CAST: variants seen among roughly 807,000 people sequenced by gnomAD.
CAST encodes the protein MIR583 host.
Under a neutral mutation model 119.6 loss-of-function variants are expected in CAST, and 76 were observed. The ratio of observed to expected loss-of-function variants is 0.64; its 90% CI spans 0.53 to 0.77. CAST has a LOEUF of 0.77. CAST is among the 30% of genes least tolerant of loss of function. CAST has a pLI of 0.00. For missense variants in CAST, 953 were observed against 946.5 expected (o/e 1.01, Z -0.09); for synonymous variants, 319 against 331.6 (o/e 0.96, Z 0.41).
At chr5:96,042,327 G>A in the CAST span, among the ~76,000 whole-genome samples, 6 of 152,118 alleles carry the variant, frequency 3.9e-5, no homozygotes, top group South Asian at 6.2e-4. Context: ...TTTTTTCTTG[G>A]TCTCTTGCAA....
chr5:96,632,145 C>A (rs1747828283), intron 1 of CAST, among the ~76,000 whole-genome samples: 1 of 151,396 alleles, frequency 6.6e-6, no homozygotes, highest in South Asian at 2.1e-4. Context: ...AGTATATATT[C>A]TTTGGAGAAA....
the CAST span, among the ~76,000 whole-genome samples, chr5:95,970,710 A>G: frequency 6.6e-6 from 1 of 152,214 alleles, no homozygotes; most frequent in Non-Finnish European, 1.5e-5. Context: ...AATGTGTTTA[A>G]TAACCTGTGA....
chr5:96,444,753 A>T, the CAST span, among the ~76,000 whole-genome samples: 1 of 149,232 alleles, frequency 6.7e-6, no homozygotes, highest in African/African-American at 2.6e-5. Flanking sequence ...TGTTTTATTT[A>T]TTTTTTTATT....
At chr5:96,699,747 T>C (rs1753671984) in intron 3 of CAST, among the ~76,000 whole-genome samples, 1 of 152,162 alleles carries the variant, frequency 6.6e-6, no homozygotes, top group African/African-American at 2.4e-5. Flanking sequence ...TGGGAAGGCA[T>C]GGACTGATAA....
chr5:96,304,611 T>G, the CAST span, among the ~76,000 whole-genome samples: 1 of 152,238 alleles, frequency 6.6e-6, no homozygotes, highest in South Asian at 2.1e-4. Flanking sequence ...TAATCCATCT[T>G]GAGTTAATTT....
At chr5:96,019,170 A>G in the CAST span, among the ~76,000 whole-genome samples, 2 of 152,166 alleles carry the variant, frequency 1.3e-5, no homozygotes, top group Admixed American at 1.3e-4. Flanking sequence ...TGTCATTAAC[A>G]CTTCCCGGTG....
the CAST span, among the ~76,000 whole-genome samples, chr5:96,503,108 A>G: frequency 6.6e-6 from 1 of 152,222 alleles, no homozygotes; most frequent in South Asian, 2.1e-4. Context: ...CCTTGTCTTC[A>G]GAGTACTGTA....
chr5:96,072,734 A>G, the CAST span, among the ~76,000 whole-genome samples: 9 of 152,222 alleles, frequency 5.9e-5, no homozygotes, highest in Non-Finnish European at 1.3e-4. Flanking sequence ...GTCAATCTCA[A>G]AGGAAAGAGA....
chr5:96,140,434 TA>T, the CAST span, among the ~76,000 whole-genome samples: 1 of 152,234 alleles, frequency 6.6e-6, no homozygotes, highest in Non-Finnish European at 1.5e-5. Flanking sequence ...GAGAACAGAA[TA>T]GAATAATGCA....
chr5:96,618,497 C>G (rs1184719429), intron 1 of CAST, among the ~76,000 whole-genome samples: 1 of 152,246 alleles, frequency 6.6e-6, no homozygotes, highest in Non-Finnish European at 1.5e-5. Flanking sequence ...CCTCAGCTTG[C>G]AGGGAGGTGT....
At chr5:96,028,849 A>C in the CAST span, among the ~76,000 whole-genome samples, 2 of 152,106 alleles carry the variant, frequency 1.3e-5, no homozygotes, top group Non-Finnish European at 2.9e-5. Context: ...TTAAAAAAAA[A>C]CTTCAATTTT....
chr5:96,538,095 G>C (rs11742044), intron 1 of CAST, among the ~76,000 whole-genome samples: 94,002 of 151,994 alleles, frequency 0.62, 29,362 homozygotes, highest in East Asian at 0.86. Context: ...ACAAGGCAAA[G>C]ACTGGTTAAA....
intron 23 of CAST, 29 bp downstream of exon 23, chr5:96,757,523 T>G: frequency 1.9e-6 from 3 of 1,613,126 alleles, no homozygotes; most frequent in Non-Finnish European, 2.5e-6. Context: ...TCTGAGGATA[T>G]CTTTTCCTTT....
chr5:96,614,174 G>A (rs1188242883), intron 1 of CAST, among the ~76,000 whole-genome samples: 1 of 152,168 alleles, frequency 6.6e-6, no homozygotes, highest in Non-Finnish European at 1.5e-5. Context: ...TAATTAACAT[G>A]ATTAAAGGTG....
the CAST span, chr5:96,429,062 T>G: frequency 1.7e-6 from 1 of 586,290 alleles, no homozygotes; most frequent in Non-Finnish European, 3.0e-6. Context: ...ATTATAATTT[T>G]ATGGAAAGAA....
At chr5:96,292,478 G>A in the CAST span, among the ~76,000 whole-genome samples, 34 of 152,070 alleles carry the variant, frequency 2.2e-4, no homozygotes, top group African/African-American at 8.0e-4. Context: ...AAAATTGCTG[G>A]TGCCCAAGCT....
intron 1 of CAST, among the ~76,000 whole-genome samples, chr5:96,585,711 T>A (rs1209467245): frequency 6.6e-6 from 1 of 152,132 alleles, no homozygotes; most frequent in Non-Finnish European, 1.5e-5. Flanking sequence ...CAACAACTCA[T>A]AAAAATCTGC....
intron 29 of CAST, 34 bp from the exon 30 acceptor site, chr5:96,770,497 T>C: frequency 2.1e-6 from 3 of 1,429,430 alleles, no homozygotes; most frequent in East Asian, 2.3e-5. Flanking sequence ...GGATTGGTGA[T>C]AGCCATAGCC....
At chr5:96,497,310 G>A in the CAST span, among the ~76,000 whole-genome samples, 17 of 152,108 alleles carry the variant, frequency 1.1e-4, no homozygotes, top group African/African-American at 2.2e-4. Context: ...GAATAGTGCC[G>A]CAATAAACAT....
Sources: allele counts gnomAD v4.1 joint callset (sites outside exome capture counted in the v4.1 genomes callset), GRCh38; gene constraint gnomAD v4.1.1; transcripts MANE v1.5; gene names NCBI Gene and HGNC (gene_info 2026-07-23, HGNC 2026-07-21).